SGCD: variants seen among roughly 807,000 people sequenced by gnomAD.
The protein encoded by SGCD is delta-sarcoglycan.
Under a neutral mutation model 36.6 loss-of-function variants are expected in SGCD, and 18 were observed. The ratio of observed to expected loss-of-function variants is 0.49; its 90% CI spans 0.34 to 0.73. SGCD has a LOEUF of 0.73. Among genes scored for constraint, SGCD ranks in the 30% least tolerant of loss-of-function variants. The probability of loss-of-function intolerance (pLI) is 0.01; values close to 1 mark genes in which losing one functional copy is unlikely to be tolerated. For synonymous variants in SGCD, 133 were observed against 130.6 expected, an observed-to-expected ratio of 1.02 and a Z score of -0.12; for missense variants, 387 against 346.7, an observed-to-expected ratio of 1.12 and a Z score of -0.92.
intron 1 of SGCD, among the ~76,000 whole-genome samples, chr5:155,963,174 A>G (rs771451265): frequency 3.9e-5 from 6 of 152,082 alleles, no homozygotes; most frequent in Admixed American, 6.6e-5. Context: ...TCTTGTATCC[A>G]CTGTGCCCGG....
At chr5:155,783,984 A>G in the SGCD span, among the ~76,000 whole-genome samples, 1 of 152,198 alleles carries the variant, frequency 6.6e-6, no homozygotes, top group East Asian at 1.9e-4. Flanking sequence ...ATGCCATTAC[A>G]TAGCTTAGAT....
intron 3 of SGCD, among the ~76,000 whole-genome samples, chr5:156,408,660 C>G (rs1401017177): frequency 6.6e-6 from 1 of 152,082 alleles, no homozygotes. Context: ...CCCCCAGCCC[C>G]CATGTTGAAT....
At chr5:156,443,316 C>T (rs1337967244) in intron 3 of SGCD, among the ~76,000 whole-genome samples, 2 of 152,058 alleles carry the variant, frequency 1.3e-5, no homozygotes, top group Non-Finnish European at 2.9e-5. Flanking sequence ...TTCCTTTTAA[C>T]GTATTTGAGA....
At chr5:156,146,383 C>T (rs532045485) in intron 3 of SGCD, among the ~76,000 whole-genome samples, 11 of 152,264 alleles carry the variant, frequency 7.2e-5, no homozygotes, top group African/African-American at 2.6e-4. Flanking sequence ...AGAAAACTCA[C>T]AGTCACGTTA....
At chr5:156,246,141 G>A (rs989571523) in intron 3 of SGCD, among the ~76,000 whole-genome samples, 3 of 152,134 alleles carry the variant, frequency 2.0e-5, no homozygotes, top group Admixed American at 6.5e-5. Context: ...AGGATTATCA[G>A]CTCCTTGCTG....
At chr5:156,154,222 T>G (rs1001742888) in intron 3 of SGCD, among the ~76,000 whole-genome samples, 4 of 151,628 alleles carry the variant, frequency 2.6e-5, no homozygotes, top group African/African-American at 9.8e-5. Flanking sequence ...CACCTCCACT[T>G]TCTTTCCTCC....
chr5:156,441,991 C>T (rs558798782), intron 3 of SGCD, among the ~76,000 whole-genome samples: 1 of 152,254 alleles, frequency 6.6e-6, no homozygotes, highest in South Asian at 2.1e-4. Flanking sequence ...AAGGAGGTAG[C>T]AGGCAGCTGT....
chr5:156,168,637 G>A (rs1009036625), intron 3 of SGCD, among the ~76,000 whole-genome samples: 3 of 152,156 alleles, frequency 2.0e-5, no homozygotes, highest in Admixed American at 6.5e-5. Context: ...CCTTGTGTGT[G>A]CTACCAAGAA....
At chr5:156,609,037 C>T (rs2113450920) in intron 6 of SGCD, among the ~76,000 whole-genome samples, 1 of 151,930 alleles carries the variant, frequency 6.6e-6, no homozygotes, top group East Asian at 1.9e-4. Flanking sequence ...GCATTTAGCC[C>T]ATTTACATTT....
At chr5:156,309,974 T>C (rs1189934239) in intron 3 of SGCD, among the ~76,000 whole-genome samples, 1 of 152,208 alleles carries the variant, frequency 6.6e-6, no homozygotes, top group African/African-American at 2.4e-5. Context: ...AATCTAATAA[T>C]GAGGAAAATC....
At chr5:155,731,013 G>A in the SGCD span, among the ~76,000 whole-genome samples, 4 of 152,192 alleles carry the variant, frequency 2.6e-5, no homozygotes, top group Admixed American at 2.6e-4. Context: ...GGAGCCAGGA[G>A]CTGGGGGCCA....
At chr5:156,054,381 G>A (rs1468760344) in intron 1 of SGCD, among the ~76,000 whole-genome samples, 1 of 141,950 alleles carries the variant, frequency 7.0e-6, no homozygotes, top group African/African-American at 2.5e-5. Flanking sequence ...CGCCTCCCGG[G>A]TTCACGCCAT....
rs113925484 is a variant in SGCD at position 156,598,894 on chromosome 5, C to T, written c.502+3843C>T. On this transcript the variant is annotated intron_variant, in intron 6 of 8. Transcript: ENST00000337851. ...TCACTTCAAAGCAGGTGGGTATTTT[C>T]GTTGTTGTTTGCAGCTATGTTTGTG... 4.7e-3 allele frequency among the ~76,000 whole-genome samples: 717 copies of T among 152,260 alleles called. 3 individuals carry two copies. The highest frequency in any genetic ancestry group is 0.016 in the African/African-American group (672 of 41,550).
chr5:156,050,631 A>C (rs1169741664), intron 1 of SGCD, among the ~76,000 whole-genome samples: 1 of 146,418 alleles, frequency 6.8e-6, no homozygotes, highest in Admixed American at 6.8e-5. Context: ...AAAGCACCAC[A>C]AATGCAGTGG....
At chr5:155,798,240 G>A in the SGCD span, among the ~76,000 whole-genome samples, 1 of 152,106 alleles carries the variant, frequency 6.6e-6, no homozygotes, top group African/African-American at 2.4e-5. Flanking sequence ...GTAACTTGCT[G>A]CCAGACATAG....
chr5:156,749,204 G>A (rs1757059573), intron 7 of SGCD, among the ~76,000 whole-genome samples: 1 of 152,020 alleles, frequency 6.6e-6, no homozygotes, highest in African/African-American at 2.4e-5. Context: ...TAAAACTAAA[G>A]AACGCCCTTC....
At chr5:156,567,322 G>T (rs958749019) in intron 4 of SGCD, among the ~76,000 whole-genome samples, 1 of 150,232 alleles carries the variant, frequency 6.7e-6, no homozygotes, top group Non-Finnish European at 1.5e-5. Context: ...TGAATTAATG[G>T]GGGAAGGAGA....
In SGCD at chr5:156,686,536, C is replaced by T. The variant is rs148850674; in HGVS notation, c.575+39000C>T. On this transcript the variant is annotated intron_variant, in intron 7 of 8. Coordinates refer to ENST00000337851, the MANE Select transcript of SGCD (RefSeq NM_000337.6). ...TCTAGGCAGGCTAGTATCTTGCACA[C>T]CATGGGTCCCAGCTGTCTTCATCCT... 7.4e-4 allele frequency among the ~76,000 whole-genome samples: 112 copies of T among 152,298 alleles called. 2 individuals are homozygous for T. The East Asian group carries it at 0.019, about 25-fold the overall frequency.
intron 1 of SGCD, among the ~76,000 whole-genome samples, chr5:155,918,176 T>C (rs111928122): frequency 2.0e-5 from 3 of 152,318 alleles, no homozygotes; most frequent in Non-Finnish European, 2.9e-5. Context: ...GATAGGAATG[T>C]CTCTCTCATT....
Sources: allele counts gnomAD v4.1 joint callset (sites outside exome capture counted in the v4.1 genomes callset), GRCh38; gene constraint gnomAD v4.1.1; transcripts MANE v1.5; gene names NCBI Gene and HGNC (gene_info 2026-07-23, HGNC 2026-07-21).